The following DSCAML1 variants were observed in gnomAD, a reference collection of about 807,000 sequenced individuals.
DSCAML1 encodes DS cell adhesion molecule like 1.
In DSCAML1, 38 loss-of-function variants were observed where a neutral mutation model predicts 200.5. The observed-to-expected ratio is 0.19, with a 90% confidence interval of 0.15 to 0.25. The LOEUF (loss-of-function observed/expected upper bound fraction) is 0.25. DSCAML1 is among the 10% of genes least tolerant of loss of function. The probability of loss-of-function intolerance (pLI) is 1.00; values close to 1 mark genes in which losing one functional copy is unlikely to be tolerated. For missense variants in DSCAML1, 2,223 were observed against 2,858.8 expected, an observed-to-expected ratio of 0.78 and a Z score of 5.07; for synonymous variants, 1,215 against 1,165.0, an observed-to-expected ratio of 1.04 and a Z score of -0.87.
intron 3 of DSCAML1, among the ~76,000 whole-genome samples, chr11:117,633,913 T>G (rs1323127707): frequency 6.6e-6 from 1 of 152,160 alleles, no homozygotes; most frequent in Non-Finnish European, 1.5e-5. Flanking sequence ...GGTCACTGAA[T>G]GGGACCCTGT....
Position 117,505,160 on chromosome 11 carries a change from C to T in DSCAML1, c.2063-117G>A, listed in dbSNP as rs575487566. On this transcript the variant is annotated intron_variant, in intron 9 of 32. Coordinates refer to ENST00000651296, the MANE Select transcript of DSCAML1 (RefSeq NM_020693.4). The surrounding 1 kb of genome is among the most constrained non-coding windows in gnomAD (Gnocchi z 6.7). ...GCCCGGGCCATTATAAAGTTGGAAG[C>T]GGGCAGTTTCTGAAACCCAAGATGC... is the stretch of plus-strand genomic sequence containing the variant. 4.6e-5 allele frequency: 67 copies of T among 1,451,888 alleles called. No homozygotes were observed. The highest frequency in any genetic ancestry group is 1.7e-4 in the South Asian group (12 of 71,984). 89.9% of individuals were successfully genotyped at this position (1,451,888 alleles called of 1,614,324 possible).
chr11:117,690,476 A>T (rs1218744703), intron 3 of DSCAML1, among the ~76,000 whole-genome samples: 2 of 152,270 alleles, frequency 1.3e-5, no homozygotes, highest in Non-Finnish European at 2.9e-5. Flanking sequence ...CATTGGATAC[A>T]GCAGTGGCCA....
chr11:117,558,692 C>T (rs1045167444), intron 3 of DSCAML1, among the ~76,000 whole-genome samples: 1 of 152,168 alleles, frequency 6.6e-6, no homozygotes, highest in Non-Finnish European at 1.5e-5. Flanking sequence ...TCGGCAGACT[C>T]GCGTCTTAAG....
chr11:117,763,841 C>G (rs1247982986), intron 3 of DSCAML1, among the ~76,000 whole-genome samples: 1 of 152,082 alleles, frequency 6.6e-6, no homozygotes, highest in African/African-American at 2.4e-5. Context: ...TGAGAGCTGG[C>G]AGATCTAGAA....
At chr11:117,506,283 G>A (rs939929162) in intron 8 of DSCAML1, among the ~76,000 whole-genome samples, 5 of 152,200 alleles carry the variant, frequency 3.3e-5, no homozygotes, top group African/African-American at 1.2e-4. Context: ...GTCAGGACAG[G>A]CGAGTGGAAG....
intron 26 of DSCAML1, among the ~76,000 whole-genome samples, chr11:117,436,881 T>A (rs1208011455): frequency 6.6e-6 from 1 of 152,180 alleles, no homozygotes; most frequent in Non-Finnish European, 1.5e-5. Context: ...ATCTTTGGTA[T>A]TACTGACCTA....
chr11:117,608,480 A>G (rs968405391), intron 3 of DSCAML1, among the ~76,000 whole-genome samples: 7 of 152,210 alleles, frequency 4.6e-5, no homozygotes, highest in Non-Finnish European at 8.8e-5. Flanking sequence ...CACATTTAAT[A>G]TGGTTGAGAC....
chr11:117,817,176 A>G (rs1411273854), intron 1 of DSCAML1, among the ~76,000 whole-genome samples: 3 of 152,178 alleles, frequency 2.0e-5, no homozygotes, highest in Non-Finnish European at 2.9e-5. Flanking sequence ...GCTGTGAGGA[A>G]GGCCAGGACT....
chr11:117,814,554 C>A (rs1392982704), intron 1 of DSCAML1, among the ~76,000 whole-genome samples: 1 of 152,252 alleles, frequency 6.6e-6, no homozygotes, highest in East Asian at 1.9e-4. Flanking sequence ...CTCTACTCAA[C>A]CAGTCACGTG....
chr11:117,467,736 G>T (rs2048612503), intron 16 of DSCAML1, among the ~76,000 whole-genome samples: 1 of 151,404 alleles, frequency 6.6e-6, no homozygotes. Context: ...TTACATTTGG[G>T]TCTTGTATCT....
chr11:117,690,534 A>G (rs1317442406), intron 3 of DSCAML1, among the ~76,000 whole-genome samples: 2 of 152,372 alleles, frequency 1.3e-5, no homozygotes, highest in African/African-American at 4.8e-5. Context: ...CCGAGCTGGA[A>G]GGATTAGGGA....
chr11:117,636,308 C>A (rs746042958), intron 3 of DSCAML1, among the ~76,000 whole-genome samples: 1 of 152,120 alleles, frequency 6.6e-6, no homozygotes, highest in Non-Finnish European at 1.5e-5. Flanking sequence ...AGTGGAGCGG[C>A]AAGTTTCATT....
At chr11:117,703,300 G>C (rs573795984) in intron 3 of DSCAML1, among the ~76,000 whole-genome samples, 1 of 152,276 alleles carries the variant, frequency 6.6e-6, no homozygotes, top group East Asian at 1.9e-4. Flanking sequence ...ACACTCCAAC[G>C]GGGAGCTGGA....
intron 3 of DSCAML1, among the ~76,000 whole-genome samples, chr11:117,767,316 C>T (rs930426439): frequency 2.4e-4 from 37 of 152,106 alleles, no homozygotes; most frequent in African/African-American, 8.0e-4. Context: ...AATAATAATA[C>T]GGACTACATA....
At chr11:117,450,223 C>G (rs1042083201) in intron 20 of DSCAML1, among the ~76,000 whole-genome samples, 2 of 152,236 alleles carry the variant, frequency 1.3e-5, no homozygotes, top group Non-Finnish European at 2.9e-5. Flanking sequence ...AGCCTGGGGA[C>G]CTGCTGGGAG....
chr11:117,442,222 TA>T (rs2048073058), intron 21 of DSCAML1, among the ~76,000 whole-genome samples: 1 of 131,828 alleles, frequency 7.6e-6, no homozygotes, highest in South Asian at 2.4e-4. Flanking sequence ...TTAGTGTGTC[TA>T]GTGTGTGTGT....
At chr11:117,526,183 C>A (rs940565162) in intron 4 of DSCAML1, among the ~76,000 whole-genome samples, 2 of 152,216 alleles carry the variant, frequency 1.3e-5, no homozygotes, top group African/African-American at 4.8e-5. Context: ...GGGGGACCTC[C>A]TCCTGTTTTA....
chr11:117,516,419 C>T lies in DSCAML1; in HGVS notation c.1783+48G>A, dbSNP rs1340083074. The T allele has an allele frequency of 6.3e-7, 1 of 1,583,266 alleles. No homozygotes were observed. ...CCCAGCTGGGGAAAGGCCCACGCAT[C>T]CTGGGTGGTCAGGCGGGCAGGGGCC... On this transcript the variant is annotated intron_variant, in intron 8 of 32. Coordinates refer to ENST00000651296, the MANE Select transcript of DSCAML1 (RefSeq NM_020693.4). The surrounding 1 kb of genome is among the most constrained non-coding windows in gnomAD (Gnocchi z 5.7).
At chr11:117,695,268 C>G (rs768936917) in intron 3 of DSCAML1, among the ~76,000 whole-genome samples, 1 of 151,402 alleles carries the variant, frequency 6.6e-6, no homozygotes, top group African/African-American at 2.4e-5. Context: ...TGATCTCTGT[C>G]CTAAATAACA....
Sources: allele counts gnomAD v4.1 joint callset (sites outside exome capture counted in the v4.1 genomes callset), GRCh38; gene constraint gnomAD v4.1.1; non-coding constraint Gnocchi (gnomAD v3.1); transcripts MANE v1.5; gene names NCBI Gene and HGNC (gene_info 2026-07-23, HGNC 2026-07-21).